Variants in DNASE1 observed in about 807,000 individuals in gnomAD.
The protein encoded by DNASE1 is deoxyribonuclease-1.
In DNASE1, 40 loss-of-function variants were observed where a neutral mutation model predicts 33.9. The ratio of observed to expected loss-of-function variants is 1.18; its 90% CI spans 0.92 to 1.54. The LOEUF is 1.54. DNASE1 is among the 40% of genes most tolerant of loss of function. DNASE1 has a pLI of 0.00. For missense variants in DNASE1, 518 were observed against 372.6 expected, an observed-to-expected ratio of 1.39 and a Z score of -3.21; for synonymous variants, 216 against 160.0, an observed-to-expected ratio of 1.35 and a Z score of -2.64.
chr16:3,655,045 G>A lies in DNASE1; in HGVS notation c.-2+1G>A. 1.7e-6 allele frequency: 1 copy of A among 573,532 alleles called. No homozygotes were observed. The highest frequency in any genetic ancestry group is 3.1e-6 in the Non-Finnish European group (1 of 323,380). 35.5% of individuals were successfully genotyped at this position (573,532 alleles called of 1,614,324 possible). Reference sequence around the variant, plus strand: ...TCTGAGGACATCACCATCATCTCAGGTGAGCACCAGGTGGAGTGCCTCTGG... The same window carrying A: ...TCTGAGGACATCACCATCATCTCAGATGAGCACCAGGTGGAGTGCCTCTGG... On this transcript the variant is annotated splice_donor_variant, in intron 1 of 8. Transcript: ENST00000246949. LOFTEE classifies it low-confidence loss of function (5UTR_SPLICE).
intron 1 of DNASE1, 111 bp downstream of exon 1, chr16:3,655,155 C>G (rs554816377): frequency 1.6e-6 from 1 of 630,490 alleles, no homozygotes. Context: ...GCGTCCCTCC[C>G]GGGCGGGTTT....
intron 1 of DNASE1, among the ~76,000 whole-genome samples, chr16:3,629,322 G>A (rs1383493330): frequency 6.6e-6 from 1 of 152,016 alleles, no homozygotes. Flanking sequence ...TTTGTCACAT[G>A]CCTTTGCTGC....
intron 1 of DNASE1, among the ~76,000 whole-genome samples, chr16:3,616,687 A>G (rs1056744538): frequency 3.9e-5 from 6 of 152,200 alleles, no homozygotes; most frequent in African/African-American, 1.4e-4. Flanking sequence ...TTAATACCCA[A>G]AACCCAAATA....
chr16:3,617,927 G>T (rs535444961), intron 1 of DNASE1, among the ~76,000 whole-genome samples: 15 of 152,122 alleles, frequency 9.9e-5, no homozygotes, highest in Non-Finnish European at 1.9e-4. Flanking sequence ...GAGAATTTCT[G>T]TTGTTTATTA....
chr16:3,655,357 C>CT lies in DNASE1; in HGVS notation c.-1-16_-1-15insT, dbSNP rs1274191972. On this transcript the variant is annotated splice_polypyrimidine_tract_variant and intron_variant, in intron 1 of 8. Transcript: ENST00000246949. ...GTCTCACTTCTGTTATGTCTCTGTG[C>CT]CCTGTGCTCTCCCAGGATGAGGGGC... 1 of 1,613,854 alleles carries CT rather than the reference C, an allele frequency of 6.2e-7. No individual in the cohort carries two copies. Among genetic ancestry groups the CT allele is most frequent in the African/African-American group, 1.3e-5 (1 of 74,938 alleles).
At chr16:3,635,389 C>CA (rs2041837548) in intron 1 of DNASE1, among the ~76,000 whole-genome samples, 1 of 140,688 alleles carries the variant, frequency 7.1e-6, no homozygotes, top group African/African-American at 2.7e-5. Context: ...ACCTGGGAGG[C>CA]AGAGGTTGCA....
At chr16:3,658,090 C>CTGTCATCTG in exon 9 of DNASE1, 2 of 1,610,408 alleles carry the variant, frequency 1.2e-6, no homozygotes, top group South Asian at 2.2e-5. Flanking sequence ...GGAGGTGGGG[C>CTGTCATCTG]TGTCATCTGT....
At chr16:3,655,314 T>C (rs1234477725) in intron 1 of DNASE1, 59 bp from the exon 2 acceptor site, 2 of 1,608,908 alleles carry the variant, frequency 1.2e-6, no homozygotes, top group African/African-American at 1.3e-5. Flanking sequence ...AAGGCTGGAG[T>C]GCTGTGGCAG....
exon 10 of DNASE1, chr16:3,663,838 C>T: frequency 4.5e-6 from 2 of 442,362 alleles, no homozygotes; most frequent in East Asian, 4.2e-5. Context: ...CTTTGGGAGG[C>T]CAAAGCAGGC....
At chr16:3,643,731 A>C (rs1362520565) in intron 1 of DNASE1, among the ~76,000 whole-genome samples, 1 of 152,116 alleles carries the variant, frequency 6.6e-6, no homozygotes, top group South Asian at 2.1e-4. Context: ...TATGTTAATC[A>C]CATCTGTTTT....
intron 1 of DNASE1, among the ~76,000 whole-genome samples, chr16:3,635,025 C>G (rs1472858971): frequency 6.6e-6 from 1 of 151,996 alleles, no homozygotes; most frequent in African/African-American, 2.4e-5. Flanking sequence ...AGTGCAGACA[C>G]TCAGTCCAAA....
intron 1 of DNASE1, among the ~76,000 whole-genome samples, chr16:3,632,571 T>G (rs1353954575): frequency 6.6e-6 from 1 of 151,516 alleles, no homozygotes; most frequent in Non-Finnish European, 1.5e-5. Context: ...TTTCCATCTC[T>G]TTAATTTTTT....
chr16:3,633,376 G>T (rs187130317), intron 1 of DNASE1, among the ~76,000 whole-genome samples: 149 of 152,298 alleles, frequency 9.8e-4, no homozygotes, highest in Non-Finnish European at 7.1e-4. Context: ...GGAGGCCAAG[G>T]TGGGTGGATC....
chr16:3,643,089 G>T (rs2042070085), intron 1 of DNASE1: 1 of 153,228 alleles, frequency 6.5e-6, no homozygotes, highest in Non-Finnish European at 1.5e-5. Context: ...GGCACTGGCT[G>T]GGCGGGATGC....
At chr16:3,615,595 C>A (rs2041073428) in intron 1 of DNASE1, among the ~76,000 whole-genome samples, 1 of 152,182 alleles carries the variant, frequency 6.6e-6, no homozygotes, top group South Asian at 2.1e-4. Context: ...ATGTCAGATA[C>A]TAAAAGGTGC....
At chr16:3,644,767 G>A (rs1040656991) in intron 1 of DNASE1, among the ~76,000 whole-genome samples, 3 of 151,602 alleles carry the variant, frequency 2.0e-5, no homozygotes, top group Non-Finnish European at 4.4e-5. Flanking sequence ...AATCCAGTAG[G>A]TGTATTTACC....
chr16:3,662,812 G>T (rs553686366), downstream of DNASE1: 251 of 1,493,366 alleles, frequency 1.7e-4, 1 homozygote, highest in African/African-American at 2.8e-3. Context: ...CAGGTACTGG[G>T]AGCCACCAGC....
At chr16:3,611,810 GAGTT>G (rs1335552988) in exon 1 of DNASE1, 7 of 152,320 alleles carry the variant, frequency 4.6e-5, no homozygotes, top group Non-Finnish European at 5.9e-5. Context: ...TTTTGAGAAA[GAGTT>G]AGGGCGAGTT....
chr16:3,613,032 A>G (rs1357779939), intron 1 of DNASE1, among the ~76,000 whole-genome samples: 1 of 152,210 alleles, frequency 6.6e-6, no homozygotes, highest in Non-Finnish European at 1.5e-5. Flanking sequence ...GTGTACATTC[A>G]GTGGTTTCCA....
Sources: allele counts gnomAD v4.1 joint callset (sites outside exome capture counted in the v4.1 genomes callset), GRCh38; gene constraint gnomAD v4.1.1; transcripts MANE v1.5; gene names NCBI Gene and HGNC (gene_info 2026-07-23, HGNC 2026-07-21).